Variants in RADIL observed in about 807,000 individuals in gnomAD.
RADIL encodes the protein ras-associating and dilute domain-containing protein.
Under a neutral mutation model 97.6 loss-of-function variants are expected in RADIL, and 99 were observed. That is an observed-to-expected ratio of 1.01 (90% CI 0.86 to 1.20). RADIL has a LOEUF of 1.20. RADIL is among the 50% of genes most tolerant of loss of function. The probability of loss-of-function intolerance (pLI) is 0.00; values close to 1 mark genes in which losing one functional copy is unlikely to be tolerated. For missense variants in RADIL, 1,765 were observed against 1,498.9 expected, an observed-to-expected ratio of 1.18 and a Z score of -2.93; for synonymous variants, 803 against 691.8, an observed-to-expected ratio of 1.16 and a Z score of -2.52.
intron 2 of RADIL, among the ~76,000 whole-genome samples, chr7:4,845,730 A>T (rs1017468285): frequency 3.3e-5 from 5 of 152,190 alleles, no homozygotes; most frequent in Admixed American, 3.3e-4. Flanking sequence ...CCTCACACTA[A>T]TTAGAGTCTT....
chr7:4,857,305 C>G (rs1425903291), intron 2 of RADIL, among the ~76,000 whole-genome samples: 2 of 152,082 alleles, frequency 1.3e-5, no homozygotes, highest in Admixed American at 6.6e-5. Flanking sequence ...ATTAGCGTGC[C>G]TTTTTTCCAT....
chr7:4,836,860 C>T (rs989668395), intron 2 of RADIL, among the ~76,000 whole-genome samples: 4 of 152,128 alleles, frequency 2.6e-5, no homozygotes, highest in Admixed American at 2.0e-4. Context: ...ATGGCTTAAA[C>T]CCAGGAGGCG....
chr7:4,804,036 G>T, intron 10 of RADIL: 1 of 486,196 alleles, frequency 2.1e-6, no homozygotes. Context: ...GAGCCGCTCT[G>T]CACTGGGCCT....
chr7:4,816,181 C>G, intron 8 of RADIL, 47 bp downstream of exon 8: 1 of 1,554,622 alleles, frequency 6.4e-7, no homozygotes, highest in East Asian at 2.3e-5. Context: ...GCCGTCATGT[C>G]CAGGAATGTG....
At position 4,816,211 on chromosome 7, in the gene RADIL, C is replaced by A; in HGVS notation, c.1966+17G>T. 1.9e-6 allele frequency: 3 copies of A among 1,602,050 alleles called. No homozygotes were observed. The highest frequency in any genetic ancestry group is 2.6e-6 in the Non-Finnish European group (3 of 1,171,290). On this transcript the variant is annotated intron_variant, in intron 8 of 14. Transcript: ENST00000399583. ...AATGTGAGCCCCCGACCCCTCAACC[C>A]TGCACGAGGCCCTCACCCCTGTCGA...
At position 4,840,835 on chromosome 7, in the gene RADIL, T is replaced by C. The variant is rs188925942; in HGVS notation, c.536-4230A>G. ...TACAAAACTTAGCTGGGCGTGGAGG[T>C]GGGCGCCTGTAGTCCCGGCTACTCG... On this transcript the variant is annotated intron_variant, in intron 2 of 14. Coordinates refer to ENST00000399583, the MANE Select transcript of RADIL (RefSeq NM_018059.5). This position sits in a 1 kb window ranked among gnomAD's most constrained non-coding sequence, Gnocchi z 5.6. Among the ~76,000 whole-genome samples the C allele has an allele frequency of 0.021, 3,116 of 151,702 alleles. 39 individuals carry two copies. The highest frequency in any genetic ancestry group is 0.027 in the Middle Eastern group (8 of 294).
At chr7:4,866,907 G>A (rs765773050) in intron 2 of RADIL, among the ~76,000 whole-genome samples, 8 of 152,202 alleles carry the variant, frequency 5.3e-5, no homozygotes, top group Non-Finnish European at 1.2e-4. Context: ...TCTCGTTCTG[G>A]CAAGACCAGA....
chr7:4,835,494 C>G lies in RADIL; in HGVS notation c.784-255G>C, dbSNP rs1649833418. Among the ~76,000 whole-genome samples, 1 of 152,156 alleles carries G rather than the reference C, an allele frequency of 6.6e-6. No homozygotes were observed. The highest frequency in any genetic ancestry group is 2.4e-5 in the African/African-American group (1 of 41,444). On this transcript the variant is annotated intron_variant, in intron 3 of 14. Coordinates refer to ENST00000399583, the MANE Select transcript of RADIL (RefSeq NM_018059.5). The surrounding 1 kb of genome is among the most constrained non-coding windows in gnomAD (Gnocchi z 5.8). The stretch of plus-strand genomic sequence containing the variant: ...ACCCAGGAGACACCCAGCTTTGAGA[C>G]AGCGACAGGCCAGGTCAGGGCTGGC...
chr7:4,834,643 C>T lies in RADIL; in HGVS notation c.1380G>A (p.Leu460=). ...CGCGGATCAGCCTGGCTATCTTGAGCAGGAGCTGCCCGAATGTGCCCGGCT... is the reference window on the plus strand; with the variant it reads ...CGCGGATCAGCCTGGCTATCTTGAGTAGGAGCTGCCCGAATGTGCCCGGCT... ...HFQPGTFGQL[L]LKIARLIRET... Residue 460 remains leucine (L), a synonymous_variant, in exon 4 of 15, where the codon CTG becomes CTA. Transcript: ENST00000399583. This position sits in a 1 kb window ranked among gnomAD's most constrained non-coding sequence, Gnocchi z 6.0. 7.4e-7 allele frequency: 1 copy of T among 1,355,404 alleles called. No individual in the cohort carries two copies. Among genetic ancestry groups the T allele is most frequent in the Admixed American group, 3.0e-5 (1 of 33,726 alleles). 84.0% of individuals were successfully genotyped at this position (1,355,404 alleles called of 1,614,324 possible).
intron 4 of RADIL, among the ~76,000 whole-genome samples, chr7:4,832,741 C>CAAA (rs71032992): frequency 6.2e-3 from 407 of 65,580 alleles, no homozygotes; most frequent in Middle Eastern, 0.01. Context: ...TCCGTCTCAG[C>CAAA]AAAAAAAAAA....
intron 2 of RADIL, among the ~76,000 whole-genome samples, chr7:4,841,178 A>AC (rs1440413565): frequency 4.6e-5 from 7 of 152,112 alleles, no homozygotes; most frequent in Non-Finnish European, 8.8e-5. Flanking sequence ...TCTGTTGCCT[A>AC]CCCCATGTGA....
chr7:4,883,636 T>A lies in RADIL; in HGVS notation c.-105A>T, dbSNP rs917089356. On this transcript the variant is annotated 5_prime_UTR_variant, in exon 1 of 15. Transcript: ENST00000399583. The surrounding 1 kb of genome is among the most constrained non-coding windows in gnomAD (Gnocchi z 7.1). ...CCGCGCCGCCACGTTCCCGCGCTGC[T>A]CCCACCCGCCGTTGGCTGGGGCCGG... 2.0e-5 allele frequency: 3 copies of A among 151,746 alleles called. No individual in the cohort carries two copies. The highest frequency in any genetic ancestry group is 6.6e-5 in the Admixed American group (1 of 15,206). The allele number at this position is 151,746 out of a possible 1,614,324, so 9.4% of individuals were successfully genotyped here.
chr7:4,820,678 T>C (rs1180461610), intron 6 of RADIL, among the ~76,000 whole-genome samples: 2 of 152,162 alleles, frequency 1.3e-5, no homozygotes, highest in African/African-American at 2.4e-5. Context: ...GGACAGATCC[T>C]GGCCGGCTCT....
At position 4,805,682 on chromosome 7, in the gene RADIL, G is replaced by A. The variant is rs1254472856; in HGVS notation, c.2174C>T (p.Ala725Val). ...SWTALRAAFP[A>V]LSPAQLHRLL... Reference sequence around the variant, plus strand: ...CCGGTGCAGCTGTGCTGGGCTCAGTGCGGGGAACGCAGCCCGCAGGGCTGT... The same window carrying A: ...CCGGTGCAGCTGTGCTGGGCTCAGTACGGGGAACGCAGCCCGCAGGGCTGT... Residue 725 changes from alanine to valine, a missense_variant, in exon 10 of 15, where the codon GCA (alanine) becomes GTA (valine). Coordinates refer to ENST00000399583, the MANE Select transcript of RADIL (RefSeq NM_018059.5). 6 of 1,611,374 alleles carry A rather than the reference G, an allele frequency of 3.7e-6. No individual in the cohort carries two copies. The highest frequency in any genetic ancestry group is 5.1e-6 in the Non-Finnish European group (6 of 1,179,756).
intron 2 of RADIL, among the ~76,000 whole-genome samples, chr7:4,847,664 AG>A (rs1262632057): frequency 6.0e-5 from 9 of 150,548 alleles, no homozygotes; most frequent in Admixed American, 3.3e-4. Context: ...AGCAATGAAA[AG>A]GAACAAAATA....
chr7:4,799,806 C>T (rs376988277), intron 13 of RADIL, 37 bp from the exon 14 acceptor site: 151 of 1,467,700 alleles, frequency 1.0e-4, no homozygotes, highest in Non-Finnish European at 1.3e-4. Context: ...TCCGCAGGCC[C>T]GACTGGCTGT....
At position 4,834,502 on chromosome 7, in the gene RADIL, G is replaced by A; in HGVS notation, c.1416+105C>T. The stretch of plus-strand genomic sequence containing the variant: ...CCTGCGCTCAGCAGCACAGCACCGT[G>A]GGGGTCAGATAGAGGCGCTCCCGCC... On this transcript the variant is annotated intron_variant, in intron 4 of 14. Transcript: ENST00000399583. This position sits in a 1 kb window ranked among gnomAD's most constrained non-coding sequence, Gnocchi z 6.0. The A allele has an allele frequency of 8.4e-7, 1 of 1,196,648 alleles. No homozygotes were observed. The highest frequency in any genetic ancestry group is 1.0e-6 in the Non-Finnish European group (1 of 952,760). The allele number at this position is 1,196,648 out of a possible 1,614,324, so 74.1% of individuals were successfully genotyped here.
chr7:4,856,147 G>C (rs967528749), intron 2 of RADIL, among the ~76,000 whole-genome samples: 1 of 151,454 alleles, frequency 6.6e-6, no homozygotes, highest in Non-Finnish European at 1.5e-5. Flanking sequence ...ACCCAGGCTG[G>C]AGCGCAGTGG....
At chr7:4,874,062 C>T (rs1784313547) in intron 2 of RADIL, among the ~76,000 whole-genome samples, 1 of 152,240 alleles carries the variant, frequency 6.6e-6, no homozygotes, top group African/African-American at 2.4e-5. Flanking sequence ...GTGCCCTCCC[C>T]GTTCCGTGCC....
Sources: allele counts gnomAD v4.1 joint callset (sites outside exome capture counted in the v4.1 genomes callset), GRCh38; gene constraint gnomAD v4.1.1; non-coding constraint Gnocchi (gnomAD v3.1); transcripts MANE v1.5; gene names NCBI Gene and HGNC (gene_info 2026-07-23, HGNC 2026-07-21).